Variants in ABCG8 observed in about 807,000 individuals in gnomAD.
The protein encoded by ABCG8 is ATP-binding cassette sub-family G member 8.
ABCG8 carries 81 observed loss-of-function variants against 71.3 expected under a neutral mutation model. That is an observed-to-expected ratio of 1.14 (90% CI 0.95 to 1.37). ABCG8 has a LOEUF of 1.37. Among genes scored for constraint, ABCG8 ranks in the 40% most tolerant of loss-of-function variants. ABCG8 has a pLI of 0.00. For missense variants in ABCG8, 1,119 were observed against 866.2 expected (o/e 1.29, Z -3.66); for synonymous variants, 451 against 354.7 (o/e 1.27, Z -3.05).
chr2:43,874,100 A>G, intron 9 of ABCG8, 114 bp downstream of exon 9: 1 of 1,163,502 alleles, frequency 8.6e-7, no homozygotes, highest in Non-Finnish European at 1.3e-6. Flanking sequence ...ATATAAGACA[A>G]TAATGTTTTT....
At chr2:43,863,764 A>G (rs561179531) in intron 6 of ABCG8, among the ~76,000 whole-genome samples, 5 of 150,018 alleles carry the variant, frequency 3.3e-5, no homozygotes, top group Middle Eastern at 3.7e-3. Context: ...AACTCTTACT[A>G]TCTATCTGGA....
rs9282574 is a variant in ABCG8 at position 43,852,420 on chromosome 2, G to A, written c.628G>A (p.Val210Met). 4,094 of 1,612,696 alleles carry A rather than the reference G, an allele frequency of 2.5e-3. 75 individuals are homozygous for A. In the African/African-American group the frequency reaches 0.047, roughly 19 times the overall value. Residue 210 changes from valine (V) to methionine (M), a missense_variant, in exon 5 of 13, where the codon GTG becomes ATG. Val to Met is a conservative substitution (Grantham distance 21, BLOSUM62 1). Transcript: ENST00000272286. ...CADTRVGNMY[V>M]RGLSGGERRR... ...TGACACCCGCGTGGGCAACATGTACGTGCGGGGGTTGTCGGGGGGTGAGCG... is the reference window on the plus strand; with the variant it reads ...TGACACCCGCGTGGGCAACATGTACATGCGGGGGTTGTCGGGGGGTGAGCG...
chr2:43,846,990 G>A (rs4953025), intron 3 of ABCG8: 1,925 of 110,898 alleles, frequency 0.017, 22 homozygotes, highest in African/African-American at 0.046. Context: ...ACGCGCGCGT[G>A]CACACACACA....
In ABCG8 at chr2:43,873,845, G is replaced by T; in HGVS notation, c.1270G>T (p.Ala424Ser). Reference sequence around the variant, plus strand: ...CACCCTCCTCATCCATGGGGCGGAGGCCTGTCTGATGTCAATGACCATCGG... The same window carrying T: ...CACCCTCCTCATCCATGGGGCGGAGTCCTGTCTGATGTCAATGACCATCGG... ...LPTLLIHGAE[A>S]CLMSMTIGFL... The change falls in exon 9 of 13, where the codon GCC (alanine) becomes TCC (serine). Residue 424 changes from alanine (A) to serine (S), a missense_variant. Ala to Ser is a moderately conservative substitution (Grantham distance 99). Transcript: ENST00000272286. 2 of 1,614,076 alleles carry T rather than the reference G, an allele frequency of 1.2e-6. No individual in the cohort carries two copies. Among genetic ancestry groups the T allele is most frequent in the Non-Finnish European group, 8.5e-7 (1 of 1,180,016 alleles).
chr2:43,848,999 G>T (rs1005713178), intron 3 of ABCG8, among the ~76,000 whole-genome samples: 2 of 143,088 alleles, frequency 1.4e-5, no homozygotes, highest in African/African-American at 5.3e-5. Context: ...TCCAGCCTGG[G>T]CAGCAAGAGC....
chr2:43,867,229 G>T (rs1669561405), intron 6 of ABCG8, among the ~76,000 whole-genome samples: 1 of 151,132 alleles, frequency 6.6e-6, no homozygotes, highest in Non-Finnish European at 1.5e-5. Context: ...ATAGCACTGG[G>T]AGATATACCT....
rs1558865325 is a variant in ABCG8 at position 43,877,947 on chromosome 2, C to A, written c.*34C>A. The A allele has an allele frequency of 6.2e-7, 1 of 1,613,986 alleles. No individual in the cohort carries two copies. Among genetic ancestry groups the A allele is most frequent in the African/African-American group, 1.3e-5 (1 of 75,034 alleles). On this transcript the variant is annotated 3_prime_UTR_variant, in exon 13 of 13. Coordinates refer to ENST00000272286, the MANE Select transcript of ABCG8 (RefSeq NM_022437.3). Reference sequence around the variant, plus strand: ...AGACGTCTGCCCGCTGGTGGGGGACCTGAGCAGACCCTTCAACTGCACTCC... The same window carrying A: ...AGACGTCTGCCCGCTGGTGGGGGACATGAGCAGACCCTTCAACTGCACTCC...
At chr2:43,854,242 T>C (rs1392103726) in intron 6 of ABCG8, among the ~76,000 whole-genome samples, 1 of 152,168 alleles carries the variant, frequency 6.6e-6, no homozygotes, top group African/African-American at 2.4e-5. Flanking sequence ...AAAAATCTGA[T>C]GTTTTGAGCT....
At chr2:43,871,191 G>T (rs1433849718) in intron 6 of ABCG8, among the ~76,000 whole-genome samples, 1 of 150,902 alleles carries the variant, frequency 6.6e-6, no homozygotes, top group Non-Finnish European at 1.5e-5. Context: ...TCCCCATCTG[G>T]ATTGAACTCT....
At chr2:43,855,994 C>G (rs1669092397) in intron 6 of ABCG8, among the ~76,000 whole-genome samples, 1 of 152,026 alleles carries the variant, frequency 6.6e-6, no homozygotes, top group Admixed American at 6.5e-5. Context: ...TTCTTACCAT[C>G]TGGATAGAAC....
At chr2:43,849,497 C>G (rs1668846866) in intron 3 of ABCG8, among the ~76,000 whole-genome samples, 1 of 152,158 alleles carries the variant, frequency 6.6e-6, no homozygotes, top group African/African-American at 2.4e-5. Flanking sequence ...CCAATCACCT[C>G]CCACCAGATC....
At chr2:43,863,818 A>G (rs904821155) in intron 6 of ABCG8, among the ~76,000 whole-genome samples, 5 of 151,668 alleles carry the variant, frequency 3.3e-5, no homozygotes, top group Admixed American at 2.6e-4. Flanking sequence ...ACCTGTCTGG[A>G]TAGAATTCTC....
At position 43,882,154 on chromosome 2, in the gene ABCG8, A is replaced by T. The variant is rs904393241; in HGVS notation, c.*4241A>T. ...TATTGGCTCAAATATTTCCTGATTT[A>T]AAAAAAAATCTGCTCTTGTTCCTAT... On this transcript the variant is annotated 3_prime_UTR_variant, in exon 13 of 13. Coordinates refer to ENST00000272286, the MANE Select transcript of ABCG8 (RefSeq NM_022437.3). 10 of 151,662 alleles carry T rather than the reference A, an allele frequency of 6.6e-5. No individual in the cohort carries two copies. The highest frequency in any genetic ancestry group is 2.0e-4 in the Admixed American group (3 of 15,228). The allele number at this position is 151,662 out of a possible 1,614,324, so 9.4% of individuals were successfully genotyped here. A position where few individuals can be genotyped will look rare whatever the true frequency, so the allele number is the denominator to read the frequency against.
At chr2:43,852,959 G>T in intron 6 of ABCG8, 91 bp downstream of exon 6, 6 of 1,520,488 alleles carry the variant, frequency 3.9e-6, no homozygotes, top group Non-Finnish European at 5.4e-6. Context: ...AGATTCAGGG[G>T]AGAAACTCCC....
At position 43,877,848 on chromosome 2, in the gene ABCG8, G is replaced by C. The variant is rs1205128669; in HGVS notation, c.1957G>C (p.Gly653Arg). The C allele has an allele frequency of 6.2e-7, 1 of 1,614,086 alleles. No individual in the cohort carries two copies. Among genetic ancestry groups the C allele is most frequent in the East Asian group, 2.2e-5 (1 of 44,860 alleles). Residue 653 changes from glycine to arginine, a missense_variant, in exon 13 of 13, where the codon GGC (glycine) becomes CGC (arginine). Coordinates refer to ENST00000272286, the MANE Select transcript of ABCG8 (RefSeq NM_022437.3). Reference protein sequence around the residue: ...IYLIVIGLSGGFMVLYYVSLR... With the variant: ...IYLIVIGLSGRFMVLYYVSLR... ...CCTCATCGTCATTGGCCTCAGCGGT[G>C]GCTTCATGGTCCTGTACTACGTGTC...
chr2:43,861,023 T>A (rs1307468754), intron 6 of ABCG8, among the ~76,000 whole-genome samples: 1 of 151,142 alleles, frequency 6.6e-6, no homozygotes, highest in Non-Finnish European at 1.5e-5. Context: ...GTTAGAATTA[T>A]CACTATCTAT....
rs528875746 is a variant in ABCG8 at position 43,861,729 on chromosome 2, A to G, written c.964+8861A>G. On this transcript the variant is annotated intron_variant, in intron 6 of 12. Transcript: ENST00000272286. ...TCTCACTCCCCAGATAGTGGACACT[A>G]TGTCTCACTATCCGGATAGTGGACA... Among the ~76,000 whole-genome samples, 4 of 149,576 alleles carry G rather than the reference A, an allele frequency of 2.7e-5. No homozygotes were observed. In the East Asian group the frequency reaches 6.0e-4, roughly 22 times the overall value.
In ABCG8 at chr2:43,878,168, A is replaced by G. The variant is rs1043854495; in HGVS notation, c.*255A>G. ...AAACCTGCACTCGGTGGCACCTACAACGTTGCTAATTTATTTCCTTTTGAT... is the reference window on the plus strand; with the variant it reads ...AAACCTGCACTCGGTGGCACCTACAGCGTTGCTAATTTATTTCCTTTTGAT... On this transcript the variant is annotated 3_prime_UTR_variant, in exon 13 of 13. Transcript: ENST00000272286. 1.8e-6 allele frequency: 1 copy of G among 551,848 alleles called. No individual in the cohort carries two copies. Among genetic ancestry groups the G allele is most frequent in the Non-Finnish European group, 3.2e-6 (1 of 307,778 alleles). The allele number at this position is 551,848 out of a possible 1,614,324, so 34.2% of individuals were successfully genotyped here.
chr2:43,854,886 C>G (rs1669048597), intron 6 of ABCG8, among the ~76,000 whole-genome samples: 1 of 152,132 alleles, frequency 6.6e-6, no homozygotes, highest in Non-Finnish European at 1.5e-5. Context: ...CTGGTGCTCC[C>G]TACAGGTTAG....
Sources: gnomAD v4.1 joint callset for allele counts (sites outside exome capture counted in the v4.1 genomes callset) on GRCh38, gnomAD v4.1.1 for gene constraint, MANE v1.5 for transcripts, NCBI Gene and HGNC (gene_info 2026-07-23, HGNC 2026-07-21) for gene names.